The following PACRG variants were observed in gnomAD, a reference collection of about 807,000 sequenced individuals.
PACRG encodes the protein parkin coregulated gene protein.
A neutral mutation model predicts 29.7 loss-of-function variants in PACRG; 29 were observed. The ratio of observed to expected loss-of-function variants is 0.98; its 90% CI spans 0.73 to 1.33. The LOEUF is 1.33. PACRG is among the 40% of genes most tolerant of loss of function. The probability of loss-of-function intolerance (pLI) is 0.00; values close to 1 mark genes in which losing one functional copy is unlikely to be tolerated. For missense variants in PACRG, 279 were observed against 316.2 expected (o/e 0.88, Z 0.89); for synonymous variants, 116 against 118.7 (o/e 0.98, Z 0.15).
intron 4 of PACRG, among the ~76,000 whole-genome samples, chr6:163,106,405 G>C (rs1815384176): frequency 6.6e-6 from 1 of 151,846 alleles, no homozygotes. Context: ...TTCTTCCAAA[G>C]TTATTTTTAT....
intron 2 of PACRG, among the ~76,000 whole-genome samples, chr6:162,941,068 T>G (rs200180075): frequency 2.2e-5 from 3 of 133,562 alleles, no homozygotes; most frequent in African/African-American, 9.4e-5. Context: ...GTGTGTGTGT[T>G]TGTGTGTGTG....
chr6:162,837,306 A>T lies in PACRG; in HGVS notation c.291+23025A>T, dbSNP rs191392309. Reference sequence around the variant, plus strand: ...AGTATATATGTAACACGCGGTGCTGATAAAGAGTATTTGGGTTGTCACCAG... The same window carrying T: ...AGTATATATGTAACACGCGGTGCTGTTAAAGAGTATTTGGGTTGTCACCAG... On this transcript the variant is annotated intron_variant, in intron 2 of 4. Transcript: ENST00000366888. 7.7e-4 allele frequency among the ~76,000 whole-genome samples: 117 copies of T among 152,292 alleles called. No homozygotes were observed. In the East Asian group the frequency reaches 0.011, roughly 15 times the overall value.
chr6:162,756,249 G>A (rs900020578), intron 1 of PACRG, among the ~76,000 whole-genome samples: 8 of 152,046 alleles, frequency 5.3e-5, no homozygotes, highest in African/African-American at 1.9e-4. Flanking sequence ...GCGTATTAAG[G>A]TCCTCTACTA....
intron 2 of PACRG, among the ~76,000 whole-genome samples, chr6:162,844,278 A>G (rs181049858): frequency 2.0e-3 from 307 of 152,296 alleles, no homozygotes; most frequent in Non-Finnish European, 2.5e-3. Context: ...CCTCCGAGCC[A>G]GGTGCGGGAT....
chr6:163,305,804 C>T (rs1785178140), intron 4 of PACRG, among the ~76,000 whole-genome samples: 1 of 152,090 alleles, frequency 6.6e-6, no homozygotes, highest in African/African-American at 2.4e-5. Flanking sequence ...AATTGACTAT[C>T]CTAGGAAACA....
At chr6:162,850,598 C>T (rs1188130365) in intron 2 of PACRG, among the ~76,000 whole-genome samples, 1 of 152,160 alleles carries the variant, frequency 6.6e-6, no homozygotes, top group Non-Finnish European at 1.5e-5. Context: ...CACAAAAGGA[C>T]AGGGCTCAGG....
chr6:162,987,436 T>C (rs887700539), intron 2 of PACRG, among the ~76,000 whole-genome samples: 2 of 152,072 alleles, frequency 1.3e-5, no homozygotes, highest in Non-Finnish European at 2.9e-5. Context: ...GTAGCTCCCA[T>C]AATCTCCACA....
At chr6:162,937,125 G>A (rs1798290062) in intron 2 of PACRG, among the ~76,000 whole-genome samples, 1 of 152,186 alleles carries the variant, frequency 6.6e-6, no homozygotes, top group Admixed American at 6.5e-5. Context: ...AACTGAAAAG[G>A]CATGGGTGGA....
At position 163,269,793 on chromosome 6, in the gene PACRG, A is replaced by AAAGGAAGG. The variant is rs1261086367; in HGVS notation, c.614-45012_614-45005dup. Among the ~76,000 whole-genome samples, 128 of 81,524 alleles carry AAAGGAAGG rather than the reference A, an allele frequency of 1.6e-3. 21 individuals carry two copies. The highest frequency in any genetic ancestry group is 5.1e-3 in the African/African-American group (115 of 22,396). 53.5% of individuals were successfully genotyped at this position (81,524 alleles called of 152,430 possible). The stretch of plus-strand genomic sequence containing the variant: ...GACAGACAGACAGACAGAAAGAAAG[A>AAAGGAAGG]AAGGAAGGAAGGAAGGAAGGAAGGA... On this transcript the variant is annotated intron_variant, in intron 4 of 4. Transcript: ENST00000366888.
chr6:162,915,292 G>A (rs754018155), intron 2 of PACRG, among the ~76,000 whole-genome samples: 1 of 151,294 alleles, frequency 6.6e-6, no homozygotes, highest in Non-Finnish European at 1.5e-5. Context: ...TTAGACCAGG[G>A]GTAGGCAAAC....
At chr6:163,108,515 C>T (rs1168910923) in intron 4 of PACRG, among the ~76,000 whole-genome samples, 1 of 151,024 alleles carries the variant, frequency 6.6e-6, no homozygotes, top group Non-Finnish European at 1.5e-5. Flanking sequence ...GGCCTCAGTC[C>T]CTGAGTAGCT....
At chr6:162,859,875 T>C (rs2128439955) in intron 2 of PACRG, among the ~76,000 whole-genome samples, 1 of 152,340 alleles carries the variant, frequency 6.6e-6, no homozygotes, top group African/African-American at 2.4e-5. Flanking sequence ...GGCACCTTCC[T>C]GTGTCACAGA....
chr6:163,258,581 C>T (rs1290004581), intron 4 of PACRG, among the ~76,000 whole-genome samples: 1 of 151,900 alleles, frequency 6.6e-6, no homozygotes, highest in Non-Finnish European at 1.5e-5. Context: ...CACGGTGAAA[C>T]CCTGTCTCTA....
At position 163,137,211 on chromosome 6, in the gene PACRG, C is replaced by A. The variant is rs77411483; in HGVS notation, c.613+47803C>A. Among the ~76,000 whole-genome samples, 142 of 152,264 alleles carry A rather than the reference C, an allele frequency of 9.3e-4. 1 individual carries two copies. In the East Asian group the frequency reaches 0.026, roughly 28 times the overall value. Reference sequence around the variant, plus strand: ...CTCTGTTTTATGGAAGCTGCCGATGCCTCATTCGTAAGTCTCCCCATTCTT... The same window carrying A: ...CTCTGTTTTATGGAAGCTGCCGATGACTCATTCGTAAGTCTCCCCATTCTT... On this transcript the variant is annotated intron_variant, in intron 4 of 4. Coordinates refer to ENST00000366888, the MANE Select transcript of PACRG (RefSeq NM_001080379.2).
At chr6:163,125,014 C>T (rs1816458025) in intron 4 of PACRG, among the ~76,000 whole-genome samples, 1 of 152,094 alleles carries the variant, frequency 6.6e-6, no homozygotes, top group Non-Finnish European at 1.5e-5. Context: ...AGGATTTGCC[C>T]TACTCCAAAC....
intron 4 of PACRG, among the ~76,000 whole-genome samples, chr6:163,175,345 T>G (rs1779293613): frequency 6.6e-6 from 1 of 152,064 alleles, no homozygotes; most frequent in Non-Finnish European, 1.5e-5. Flanking sequence ...CTGTTGAAGC[T>G]TTGTTTGTTT....
intron 1 of PACRG, among the ~76,000 whole-genome samples, chr6:162,761,721 G>A (rs984757477): frequency 4.6e-5 from 7 of 151,894 alleles, no homozygotes; most frequent in Admixed American, 2.0e-4. Flanking sequence ...GGCAGATCAC[G>A]AGGTCAAGAG....
At chr6:163,128,595 TACTC>T (rs1816606817) in intron 4 of PACRG, among the ~76,000 whole-genome samples, 1 of 152,230 alleles carries the variant, frequency 6.6e-6, no homozygotes, top group Non-Finnish European at 1.5e-5. Flanking sequence ...AGTGCAGTGA[TACTC>T]AGCCTCAGAG....
chr6:163,039,968 G>A (rs1444465232), intron 2 of PACRG, among the ~76,000 whole-genome samples: 1 of 152,222 alleles, frequency 6.6e-6, no homozygotes, highest in African/African-American at 2.4e-5. Context: ...GATGCCAAAT[G>A]TTAATAGCAA....
Sources: allele counts gnomAD v4.1 joint callset (sites outside exome capture counted in the v4.1 genomes callset), GRCh38; gene constraint gnomAD v4.1.1; transcripts MANE v1.5; gene names NCBI Gene and HGNC (gene_info 2026-07-23, HGNC 2026-07-21).